Variants in STAT3 observed in about 807,000 individuals in gnomAD.
STAT3 encodes DNA-binding protein APRF.
STAT3 carries 7 observed loss-of-function variants against 114.3 expected under a neutral mutation model. The observed-to-expected ratio is 0.06, with a 90% CI of 0.03 to 0.11. The LOEUF is 0.11. Ranked by LOEUF, STAT3 falls within the 10% of genes least tolerant of loss-of-function variation. The probability of loss-of-function intolerance (pLI) is 1.00; values close to 1 mark genes in which losing one functional copy is unlikely to be tolerated. For synonymous variants in STAT3, 331 were observed against 354.5 expected, an observed-to-expected ratio of 0.93 and a Z score of 0.74; for missense variants, 364 against 960.9, an observed-to-expected ratio of 0.38 and a Z score of 8.21.
intron 1 of STAT3, among the ~76,000 whole-genome samples, chr17:42,356,539 ATTTTT>A (rs67178732): frequency 7.0e-6 from 1 of 142,980 alleles, no homozygotes; most frequent in East Asian, 2.0e-4. Context: ...ATATATATAT[ATTTTT>A]TTTTTTTTAC....
chr17:42,347,569 C>T (rs2082755588), intron 2 of STAT3, among the ~76,000 whole-genome samples: 5 of 152,198 alleles, frequency 3.3e-5, no homozygotes, highest in Admixed American at 2.6e-4. Flanking sequence ...TTCCCTTATC[C>T]TGTGATCTAG....
At chr17:42,383,756 G>A (rs2084930512) in intron 1 of STAT3, among the ~76,000 whole-genome samples, 1 of 152,210 alleles carries the variant, frequency 6.6e-6, no homozygotes. Flanking sequence ...CAGGATTCGG[G>A]GATGTCCCTC....
chr17:42,346,778 C>A (rs1471917422), intron 2 of STAT3, 65 bp from the exon 3 acceptor site: 8 of 1,611,460 alleles, frequency 5.0e-6, no homozygotes, highest in Non-Finnish European at 6.8e-6. Flanking sequence ...ACACAGAAAT[C>A]ACCATCAAGA....
In STAT3 at chr17:42,388,377, G is replaced by A. The variant is rs1223167202; in HGVS notation, c.-122C>T. 1 of 1,231,672 alleles carries A rather than the reference G, an allele frequency of 8.1e-7. No individual in the cohort carries two copies. Among genetic ancestry groups the A allele is most frequent in the Non-Finnish European group, 1.0e-6 (1 of 987,906 alleles). 76.3% of individuals were successfully genotyped at this position (1,231,672 alleles called of 1,614,324 possible). A position where few individuals can be genotyped will look rare whatever the true frequency, so the allele number is the denominator to read the frequency against. On this transcript the variant is annotated 5_prime_UTR_variant, in exon 1 of 24. Transcript: ENST00000264657. ...CGAAGGGCCTCTCCGAGCCGAGGGG[G>A]AGAGACAGCGCCAAGCCGGGGTGCC...
At chr17:42,384,544 C>A (rs1054391325) in intron 1 of STAT3, among the ~76,000 whole-genome samples, 1 of 147,762 alleles carries the variant, frequency 6.8e-6, no homozygotes, top group Non-Finnish European at 1.5e-5. Flanking sequence ...CCTAGTCTAC[C>A]GGGCTACCAG....
chr17:42,346,511 A>T, intron 3 of STAT3, 58 bp downstream of exon 3: 1 of 1,611,870 alleles, frequency 6.2e-7, no homozygotes, highest in Non-Finnish European at 8.5e-7. Context: ...CCAGGAAAGA[A>T]CACTAACACC....
At chr17:42,348,641 A>C in intron 1 of STAT3, 102 bp from the exon 2 acceptor site, 3 of 1,346,228 alleles carry the variant, frequency 2.2e-6, no homozygotes, top group Non-Finnish European at 3.1e-6. Context: ...GTGACTAGGG[A>C]TAAAGATGCT....
chr17:42,321,827 T>TTATTTTTA (rs1482512976), intron 21 of STAT3, among the ~76,000 whole-genome samples: 1 of 152,178 alleles, frequency 6.6e-6, no homozygotes, highest in Non-Finnish European at 1.5e-5. Context: ...GATCCCCTCT[T>TTATTTTTA]TATTTTTATT....
chr17:42,317,076 A>G, intron 22 of STAT3, 106 bp downstream of exon 22: 2 of 1,587,920 alleles, frequency 1.3e-6, no homozygotes, highest in Non-Finnish European at 1.7e-6. Context: ...AACATAGCCC[A>G]GGGGCTTCCA....
rs1051369029 is a variant in STAT3 at position 42,337,349 on chromosome 17, T to C, written c.797+86A>G. The C allele has an allele frequency of 1.2e-5, 19 of 1,558,936 alleles. 1 individual carries two copies. The highest frequency in any genetic ancestry group is 8.2e-5 in the African/African-American group (6 of 73,048). ...TGGAAAAGTCCCCACGTTGGAGATATAGTACCAATTCTGTGGGCCTGCAGT... is the reference window on the plus strand; with the variant it reads ...TGGAAAAGTCCCCACGTTGGAGATACAGTACCAATTCTGTGGGCCTGCAGT... On this transcript the variant is annotated intron_variant, in intron 8 of 23. Coordinates refer to ENST00000264657, the MANE Select transcript of STAT3 (RefSeq NM_139276.3). The surrounding 1 kb of genome is among the most constrained non-coding windows in gnomAD (Gnocchi z 4.0).
intron 18 of STAT3, 88 bp downstream of exon 18, chr17:42,323,485 G>A (rs1244273459): frequency 6.4e-7 from 1 of 1,568,226 alleles, no homozygotes; most frequent in African/African-American, 1.4e-5. Flanking sequence ...GCTGGACCAA[G>A]AGTTCAGGGC....
intron 14 of STAT3, among the ~76,000 whole-genome samples, chr17:42,327,858 C>A (rs1308453774): frequency 1.3e-5 from 2 of 151,924 alleles, no homozygotes; most frequent in Non-Finnish European, 2.9e-5. Flanking sequence ...CCAGCCTGAC[C>A]AATATGGTGA....
At chr17:42,346,472 T>A in intron 3 of STAT3, 97 bp downstream of exon 3, 1 of 1,562,530 alleles carries the variant, frequency 6.4e-7, no homozygotes. Flanking sequence ...AGATTCTCGT[T>A]ACTTAGCCAA....
At chr17:42,322,222 A>G in intron 21 of STAT3, 60 bp downstream of exon 21, 1 of 1,552,352 alleles carries the variant, frequency 6.4e-7, no homozygotes, top group Non-Finnish European at 8.9e-7. Context: ...TCCTCCAAGG[A>G]TCCCAAAATT....
intron 1 of STAT3, among the ~76,000 whole-genome samples, chr17:42,376,696 A>G (rs1187510156): frequency 6.6e-6 from 1 of 151,544 alleles, no homozygotes; most frequent in East Asian, 1.9e-4. Flanking sequence ...AATACAAAAA[A>G]TTAGCCGGGC....
intron 3 of STAT3, 146 bp downstream of exon 3, chr17:42,346,423 A>G (rs888646826): frequency 1.7e-5 from 20 of 1,191,418 alleles, no homozygotes; most frequent in Non-Finnish European, 1.8e-5. Context: ...AGCTTTGAGA[A>G]AGGGCTAATT....
In STAT3 at chr17:42,323,013, CCTT is replaced by C; in HGVS notation, c.1876_1878del (p.Lys626del). On this transcript the variant is annotated inframe_deletion, in exon 20 of 24. Transcript: ENST00000264657. ...TGGGAGCCTCCCTTACCGCTGATGT[CCTT>C]CTCCACCCAAGTGAAAGTGACGCCT... The C allele has an allele frequency of 6.2e-7, 1 of 1,613,942 alleles. No individual in the cohort carries two copies. The highest frequency in any genetic ancestry group is 8.5e-7 in the Non-Finnish European group (1 of 1,180,038).
intron 1 of STAT3, among the ~76,000 whole-genome samples, chr17:42,360,208 T>A (rs1472354976): frequency 6.6e-6 from 1 of 151,946 alleles, no homozygotes; most frequent in East Asian, 1.9e-4. Context: ...TTTTCTTTTT[T>A]TTAAATTAGA....
At chr17:42,345,474 G>A in intron 4 of STAT3, 85 bp downstream of exon 4, 1 of 1,085,676 alleles carries the variant, frequency 9.2e-7, no homozygotes, top group Non-Finnish European at 1.4e-6. Flanking sequence ...TTCTTTTTTA[G>A]TAGATCTAAT....
Sources: gnomAD v4.1 joint callset for allele counts (sites outside exome capture counted in the v4.1 genomes callset) on GRCh38, gnomAD v4.1.1 for gene constraint, Gnocchi (gnomAD v3.1) non-coding constraint, MANE v1.5 for transcripts, NCBI Gene and HGNC (gene_info 2026-07-23, HGNC 2026-07-21) for gene names.